The following PDE4D variants were observed in gnomAD, a reference collection of about 807,000 sequenced individuals.
PDE4D encodes phosphodiesterase 4D, also known as 3',5'-cyclic-AMP phosphodiesterase 4D.
A neutral mutation model predicts 87.4 loss-of-function variants in PDE4D; 24 were observed. The ratio of observed to expected loss-of-function variants is 0.27; its 90% CI spans 0.20 to 0.39. The LOEUF is 0.39. Ranked by LOEUF, PDE4D falls within the 10% of genes least tolerant of loss-of-function variation. The pLI, the probability that PDE4D is intolerant of heterozygous loss-of-function variation, is 1.00. For missense variants in PDE4D, 714 were observed against 1,041.0 expected (o/e 0.69, Z 4.32); for synonymous variants, 384 against 383.2 (o/e 1.00, Z -0.02).
chr5:59,587,355 TTTTG>T (rs746440973), intron 1 of PDE4D: 260 of 736,362 alleles, frequency 3.5e-4, no homozygotes, highest in Non-Finnish European at 3.8e-4. Flanking sequence ...TCTCAATCTC[TTTTG>T]TTTTTCACCC....
At chr5:60,327,432 AG>A (rs1299572197) in intron 1 of PDE4D, among the ~76,000 whole-genome samples, 1 of 152,144 alleles carries the variant, frequency 6.6e-6, no homozygotes, top group Non-Finnish European at 1.5e-5. Context: ...TCCTGTTTTC[AG>A]GGGGAAGAAA....
chr5:59,534,692 TGGTAG>T (rs1814831339), intron 1 of PDE4D, among the ~76,000 whole-genome samples: 1 of 152,178 alleles, frequency 6.6e-6, no homozygotes, highest in Admixed American at 6.5e-5. Flanking sequence ...TTTGGGTTAT[TGGTAG>T]GCAATGGAGA....
At chr5:59,821,514 GTTAC>G (rs1320234090) in intron 1 of PDE4D, among the ~76,000 whole-genome samples, 9 of 152,140 alleles carry the variant, frequency 5.9e-5, no homozygotes, top group Non-Finnish European at 1.0e-4. Context: ...TATTTATATT[GTTAC>G]TTAATAGTTT....
At chr5:59,268,438 T>C (rs888014733) in intron 1 of PDE4D, among the ~76,000 whole-genome samples, 2 of 152,010 alleles carry the variant, frequency 1.3e-5, no homozygotes, top group African/African-American at 4.8e-5. Context: ...TGTACACAGT[T>C]ATATTTAACA....
At chr5:60,132,789 G>A (rs201946459) in intron 2 of PDE4D, among the ~76,000 whole-genome samples, 12 of 151,916 alleles carry the variant, frequency 7.9e-5, no homozygotes, top group South Asian at 2.1e-4. Context: ...CCCAGGAGGC[G>A]GAGGTTGCAG....
intron 1 of PDE4D, among the ~76,000 whole-genome samples, chr5:59,545,315 A>G (rs1467314775): frequency 6.6e-6 from 1 of 152,142 alleles, no homozygotes; most frequent in East Asian, 1.9e-4. Flanking sequence ...CTGGGTTTTC[A>G]ATGCAGAAAT....
chr5:59,642,435 A>T (rs147036795), intron 1 of PDE4D, among the ~76,000 whole-genome samples: 2,463 of 152,258 alleles, frequency 0.016, 66 homozygotes, highest in African/African-American at 0.056. Flanking sequence ...TTATACTCCC[A>T]TAATTTCCAT....
chr5:59,642,488 G>A (rs947678015), intron 1 of PDE4D, among the ~76,000 whole-genome samples: 1 of 152,050 alleles, frequency 6.6e-6, no homozygotes, highest in Non-Finnish European at 1.5e-5. Flanking sequence ...TGAATCATGG[G>A]GGAAGTTTCC....
chr5:59,690,659 G>A (rs1481188694), intron 1 of PDE4D, among the ~76,000 whole-genome samples: 1 of 152,120 alleles, frequency 6.6e-6, no homozygotes, highest in East Asian at 1.9e-4. Context: ...ATAGGCACAG[G>A]CAAGGACTTC....
At chr5:59,673,553 C>G (rs1747570859) in intron 1 of PDE4D, among the ~76,000 whole-genome samples, 1 of 152,154 alleles carries the variant, frequency 6.6e-6, no homozygotes, top group Non-Finnish European at 1.5e-5. Flanking sequence ...ATACAATTGT[C>G]TCATCTTCCA....
chr5:59,194,189 G>C (rs571191791), intron 2 of PDE4D, among the ~76,000 whole-genome samples: 1 of 152,342 alleles, frequency 6.6e-6, no homozygotes, highest in East Asian at 1.9e-4. Context: ...TGGAGGGACA[G>C]GGAAGGGCAA....
chr5:59,175,471 C>CTTTTT (rs563138575), intron 5 of PDE4D, among the ~76,000 whole-genome samples: 87 of 91,210 alleles, frequency 9.5e-4, no homozygotes, highest in East Asian at 1.2e-3. Flanking sequence ...ATTTTTCTTT[C>CTTTTT]TTTTTTTTTT....
At chr5:59,781,380 C>G (rs1581079306) in intron 1 of PDE4D, among the ~76,000 whole-genome samples, 2 of 152,116 alleles carry the variant, frequency 1.3e-5, no homozygotes, top group East Asian at 1.9e-4. Flanking sequence ...GTCTAGAAGA[C>G]TGTTTCCCCC....
intron 1 of PDE4D, among the ~76,000 whole-genome samples, chr5:59,727,985 G>A (rs576388265): frequency 2.0e-5 from 3 of 152,158 alleles, no homozygotes; most frequent in East Asian, 3.9e-4. Context: ...TTTGCATCTT[G>A]TCTTCTTTTT....
intron 1 of PDE4D, among the ~76,000 whole-genome samples, chr5:60,304,517 C>T (rs1409911754): frequency 5.3e-5 from 8 of 151,234 alleles, no homozygotes; most frequent in African/African-American, 1.7e-4. Context: ...CGGTGGCGGG[C>T]GCCTGTAGTC....
At chr5:60,173,683 T>C (rs772006225) in intron 2 of PDE4D, among the ~76,000 whole-genome samples, 7 of 152,014 alleles carry the variant, frequency 4.6e-5, no homozygotes, top group Non-Finnish European at 7.4e-5. Flanking sequence ...ACACTATTAA[T>C]AGGAAAAAAT....
At chr5:59,194,039 A>G (rs1340520256) in intron 2 of PDE4D, among the ~76,000 whole-genome samples, 1 of 152,194 alleles carries the variant, frequency 6.6e-6, no homozygotes, top group African/African-American at 2.4e-5. Context: ...TACACTAATA[A>G]AAACCCAGTG....
chr5:59,444,803 C>G (rs1422842648), intron 1 of PDE4D, among the ~76,000 whole-genome samples: 1 of 152,102 alleles, frequency 6.6e-6, no homozygotes, highest in Non-Finnish European at 1.5e-5. Flanking sequence ...CAGCGAGAGT[C>G]CGCCTCAAAA....
intron 3 of PDE4D, among the ~76,000 whole-genome samples, chr5:59,899,785 T>C (rs1752041918): frequency 6.6e-6 from 1 of 152,158 alleles, no homozygotes; most frequent in African/African-American, 2.4e-5. Context: ...CAGCTTGTTA[T>C]GGCTGAGGAA....
Sources: allele counts gnomAD v4.1 joint callset (sites outside exome capture counted in the v4.1 genomes callset), GRCh38; gene constraint gnomAD v4.1.1; transcripts MANE v1.5; gene names NCBI Gene and HGNC (gene_info 2026-07-23, HGNC 2026-07-21).